The following RUNX1 variants were observed in gnomAD, a reference collection of about 807,000 sequenced individuals.
RUNX1 encodes the protein runt-related transcription factor 1.
A neutral mutation model predicts 42.8 loss-of-function variants in RUNX1; 19 were observed. That is an observed-to-expected ratio of 0.44 (90% CI 0.31 to 0.65). RUNX1 has a LOEUF of 0.65. Among genes scored for constraint, RUNX1 ranks in the 30% least tolerant of loss-of-function variants. The pLI is 0.07. For missense variants in RUNX1, 528 were observed against 672.0 expected, an observed-to-expected ratio of 0.79 and a Z score of 2.37; for synonymous variants, 271 against 289.4, an observed-to-expected ratio of 0.94 and a Z score of 0.64.
At chr21:34,886,759 G>T (rs1365344919) in intron 4 of RUNX1, 84 bp downstream of exon 4, 34 of 1,598,630 alleles carry the variant, frequency 2.1e-5, no homozygotes, top group Non-Finnish European at 2.8e-5. Context: ...ATCCGGCCCC[G>T]CCCGCCTGGC....
chr21:34,927,507 T>C (rs549637339), intron 2 of RUNX1, among the ~76,000 whole-genome samples: 16 of 152,376 alleles, frequency 1.1e-4, no homozygotes, highest in African/African-American at 3.8e-4. Flanking sequence ...TCTCTTCTCC[T>C]CTGCGCCTTG....
intron 6 of RUNX1, among the ~76,000 whole-genome samples, chr21:34,839,822 A>G (rs2057206794): frequency 6.6e-6 from 1 of 152,132 alleles, no homozygotes; most frequent in South Asian, 2.1e-4. Context: ...CAAGCTTCCA[A>G]TGTGCATTAC....
At chr21:34,889,187 C>T (rs1232227234) in intron 3 of RUNX1, among the ~76,000 whole-genome samples, 13 of 151,802 alleles carry the variant, frequency 8.6e-5, no homozygotes, top group African/African-American at 3.1e-4. Context: ...AGATCCTGCG[C>T]GGCCGCCCAG....
At chr21:34,889,933 G>C in intron 3 of RUNX1, 2 of 897,442 alleles carry the variant, frequency 2.2e-6, no homozygotes, top group Non-Finnish European at 2.8e-6. Context: ...TCCCGGCCCC[G>C]TTCCACCGCG....
intron 2 of RUNX1, among the ~76,000 whole-genome samples, chr21:34,906,924 G>T (rs991732021): frequency 6.6e-6 from 1 of 152,212 alleles, no homozygotes. Context: ...TGGCCTTATG[G>T]TTTAAATATA....
intron 7 of RUNX1, among the ~76,000 whole-genome samples, chr21:34,822,074 G>A (rs2056916387): frequency 6.6e-6 from 1 of 152,196 alleles, no homozygotes; most frequent in African/African-American, 2.4e-5. Context: ...AACCCTACTG[G>A]TTTTCCTGAG....
chr21:35,033,029 T>C (rs2146977008), intron 2 of RUNX1, among the ~76,000 whole-genome samples: 1 of 152,288 alleles, frequency 6.6e-6, no homozygotes, highest in Non-Finnish European at 1.5e-5. Context: ...ATCCATTCAT[T>C]CAACTATCTA....
chr21:35,043,913 A>G (rs1430426691), intron 2 of RUNX1, among the ~76,000 whole-genome samples: 1 of 152,210 alleles, frequency 6.6e-6, no homozygotes, highest in Admixed American at 6.5e-5. Flanking sequence ...AAAGGTATAC[A>G]GGCAAAATGG....
At chr21:35,020,699 T>A (rs2059192250) in intron 2 of RUNX1, among the ~76,000 whole-genome samples, 1 of 152,134 alleles carries the variant, frequency 6.6e-6, no homozygotes, top group African/African-American at 2.4e-5. Flanking sequence ...AGTTTTAGAT[T>A]TAAGCCAGGA....
chr21:34,846,241 T>C (rs1046684890), intron 6 of RUNX1, among the ~76,000 whole-genome samples: 2 of 138,866 alleles, frequency 1.4e-5, no homozygotes, highest in Admixed American at 7.4e-5. Context: ...TCATGGGAAC[T>C]CTAGTTAGGA....
intron 2 of RUNX1, among the ~76,000 whole-genome samples, chr21:34,934,218 C>T (rs1428083635): frequency 6.6e-6 from 1 of 152,110 alleles, no homozygotes; most frequent in Non-Finnish European, 1.5e-5. Flanking sequence ...ACTGTACACC[C>T]TGTTGCCCCA....
At chr21:34,931,376 A>T (rs148651647) in intron 2 of RUNX1, among the ~76,000 whole-genome samples, 1,828 of 146,496 alleles carry the variant, frequency 0.012, 26 homozygotes, top group African/African-American at 0.043. Context: ...GTGTATATAT[A>T]ATATATACAT....
chr21:35,025,448 A>G (rs1260353652), intron 2 of RUNX1, among the ~76,000 whole-genome samples: 1 of 152,168 alleles, frequency 6.6e-6, no homozygotes, highest in Non-Finnish European at 1.5e-5. Context: ...ACCAGATTCA[A>G]GAGAGAGCCA....
intron 2 of RUNX1, among the ~76,000 whole-genome samples, chr21:34,976,685 G>T (rs930189114): frequency 6.6e-6 from 1 of 152,192 alleles, no homozygotes; most frequent in African/African-American, 2.4e-5. Context: ...TGAAAGATTT[G>T]ATTCAAAAAT....
chr21:34,929,876 G>A (rs969690311), intron 2 of RUNX1, among the ~76,000 whole-genome samples: 5 of 151,986 alleles, frequency 3.3e-5, no homozygotes, highest in Admixed American at 3.3e-4. Context: ...GGTATTCCTT[G>A]AACTGTTGTC....
At chr21:34,984,433 CTA>C (rs2058869801) in intron 2 of RUNX1, among the ~76,000 whole-genome samples, 1 of 120,924 alleles carries the variant, frequency 8.3e-6, no homozygotes, top group South Asian at 2.8e-4. Context: ...AACTATAGAA[CTA>C]TACACAGTCT....
intron 7 of RUNX1, chr21:34,821,222 G>T (rs1254442472): frequency 9.6e-7 from 1 of 1,038,050 alleles, no homozygotes; most frequent in Non-Finnish European, 1.2e-6. Context: ...GGACCGATGG[G>T]TACAACTAAC....
Position 34,792,530 on chromosome 21 carries a change from G to A in RUNX1, c.1048C>T (p.Pro350Ser). ...PSISDPRMHY[P>S]GAFTYSPTPV... ...GTCGGGGAGTAGGTGAAGGCGCCTG[G>A]ATAGTGCATGCGGGGGTCGGAGATG... Residue 350 changes from proline (P) to serine (S), a missense_variant, in exon 9 of 9, where the codon CCA becomes TCA. By Grantham distance (74) the Pro-to-Ser change is moderately conservative (BLOSUM62 -1). Around this residue, in one of 3 missense-constraint regions of RUNX1, gnomAD observed 331 missense variants for 382.5 expected, o/e 0.87. Transcript: ENST00000675419. The surrounding 1 kb of genome is among the most constrained non-coding windows in gnomAD (Gnocchi z 6.9). 2.5e-6 allele frequency: 4 copies of A among 1,606,330 alleles called. No homozygotes were observed. Among genetic ancestry groups the A allele is most frequent in the Non-Finnish European group, 3.4e-6 (4 of 1,176,522 alleles).
intron 6 of RUNX1, among the ~76,000 whole-genome samples, chr21:34,840,722 C>CT (rs2057222087): frequency 6.6e-6 from 1 of 152,204 alleles, no homozygotes; most frequent in African/African-American, 2.4e-5. Flanking sequence ...CTGGCCTGCT[C>CT]TATCTTTCTG....
Sources: allele counts gnomAD v4.1 joint callset (sites outside exome capture counted in the v4.1 genomes callset), GRCh38; gene constraint gnomAD v4.1.1; regional missense constraint gnomAD v4.1.1; non-coding constraint Gnocchi (gnomAD v3.1); transcripts MANE v1.5; gene names NCBI Gene and HGNC (gene_info 2026-07-23, HGNC 2026-07-21).